Variants in ZNF536 observed in about 807,000 individuals in gnomAD.
ZNF536 encodes zinc finger protein 536.
Under a neutral mutation model 84.5 loss-of-function variants are expected in ZNF536, and 13 were observed. The ratio of observed to expected loss-of-function variants is 0.15; its 90% CI spans 0.10 to 0.24. The LOEUF (loss-of-function observed/expected upper bound fraction) is 0.24, where lower values mean the gene tolerates loss of function less well. Among genes scored for constraint, ZNF536 ranks in the 10% least tolerant of loss-of-function variants. ZNF536 has a pLI of 1.00. For synonymous variants in ZNF536, 811 were observed against 742.5 expected (o/e 1.09, Z -1.50); for missense variants, 1,536 against 1,747.5 (o/e 0.88, Z 2.16).
chr19:30,386,468 T>C (rs371873611), intron 1 of ZNF536, among the ~76,000 whole-genome samples: 1 of 152,158 alleles, frequency 6.6e-6, no homozygotes, highest in East Asian at 1.9e-4. Context: ...AGTCGACCTC[T>C]CTGGGCTCAG....
Position 30,440,700 on chromosome 19 carries a change from G to A in ZNF536, c.-2-2861G>A, listed in dbSNP as rs548811676. Among the ~76,000 whole-genome samples the A allele has an allele frequency of 2.0e-5, 3 of 152,256 alleles. No homozygotes were observed. The East Asian group carries it at 5.8e-4, about 29-fold the overall frequency. On this transcript the variant is annotated intron_variant, in intron 1 of 4. Coordinates refer to ENST00000355537, the MANE Select transcript of ZNF536 (RefSeq NM_014717.3). ...TGGGGTGTCAGCCTCAGACAGGGTG[G>A]GCACAGAGGGCTTTTGTGAGAAAGG...
intron 2 of ZNF536, among the ~76,000 whole-genome samples, chr19:30,342,380 C>T (rs763547069): frequency 6.6e-6 from 1 of 152,166 alleles, no homozygotes; most frequent in Non-Finnish European, 1.5e-5. Context: ...CAACTGCTAT[C>T]TTTAAAAAGA....
chr19:30,464,322 G>T (rs539015025), intron 2 of ZNF536, among the ~76,000 whole-genome samples: 107 of 152,288 alleles, frequency 7.0e-4, no homozygotes, highest in African/African-American at 2.5e-3. Context: ...TCTGCAGCCA[G>T]CTGGGGGTGT....
chr19:30,498,267 AAGGAGATTATGTTCTTTGC>A (rs1795837594), intron 2 of ZNF536, among the ~76,000 whole-genome samples: 1 of 152,202 alleles, frequency 6.6e-6, no homozygotes, highest in South Asian at 2.1e-4. Context: ...CATAAAAAGG[AAGGAGATTATGTTCTTTGC>A]AGGGACATGG....
At chr19:30,670,699 T>C (rs1375000348) in intron 1 of ZNF536, among the ~76,000 whole-genome samples, 1 of 152,204 alleles carries the variant, frequency 6.6e-6, no homozygotes, top group African/African-American at 2.4e-5. Flanking sequence ...GAGGCCTTCC[T>C]TCCCCAGAGA....
chr19:30,641,913 C>T (rs780184701), intron 1 of ZNF536, among the ~76,000 whole-genome samples: 1 of 152,130 alleles, frequency 6.6e-6, no homozygotes, highest in East Asian at 1.9e-4. Context: ...GATGGAAAAG[C>T]GACTCTGATT....
chr19:30,330,474 G>A (rs1272524448), intron 2 of ZNF536, among the ~76,000 whole-genome samples: 1 of 152,162 alleles, frequency 6.6e-6, no homozygotes, highest in East Asian at 1.9e-4. Context: ...GAGGACACTC[G>A]ACTTTGGAGC....
chr19:30,413,752 G>T (rs10422123), intron 1 of ZNF536, among the ~76,000 whole-genome samples: 1,965 of 152,020 alleles, frequency 0.013, 44 homozygotes, highest in African/African-American at 0.045. Flanking sequence ...CACTATGATT[G>T]CTCCTTGAAG....
chr19:30,278,804 C>A (rs2045333691), intron 1 of ZNF536, among the ~76,000 whole-genome samples: 1 of 152,182 alleles, frequency 6.6e-6, no homozygotes, highest in South Asian at 2.1e-4. Flanking sequence ...AGCAGCCTCC[C>A]CCATGGGTCC....
At chr19:30,273,156 C>A (rs2025946850) in intron 1 of ZNF536, among the ~76,000 whole-genome samples, 1 of 152,232 alleles carries the variant, frequency 6.6e-6, no homozygotes, top group Non-Finnish European at 1.5e-5. Flanking sequence ...CCTGCCTCGA[C>A]CTTTTGAAGT....
At chr19:30,594,031 G>A (rs146648485) in intron 1 of ZNF536, among the ~76,000 whole-genome samples, 3 of 152,168 alleles carry the variant, frequency 2.0e-5, no homozygotes, top group Non-Finnish European at 4.4e-5. Flanking sequence ...TCTATGCCAC[G>A]TGGAATGTCT....
chr19:30,567,148 TAAAG>T (rs2046381945), intron 1 of ZNF536, among the ~76,000 whole-genome samples: 1 of 152,142 alleles, frequency 6.6e-6, no homozygotes, highest in African/African-American at 2.4e-5. Context: ...GCGTCAAAAA[TAAAG>T]AAACCAACCA....
intron 2 of ZNF536, among the ~76,000 whole-genome samples, chr19:30,335,474 A>C (rs1405745567): frequency 6.6e-6 from 1 of 151,972 alleles, no homozygotes; most frequent in Admixed American, 6.6e-5. Flanking sequence ...GAGGCCTGGC[A>C]CGCCCACCCC....
intron 1 of ZNF536, among the ~76,000 whole-genome samples, chr19:30,281,720 A>G (rs186371986): frequency 3.3e-5 from 5 of 152,320 alleles, no homozygotes; most frequent in South Asian, 4.1e-4. Flanking sequence ...AATTTCAAGC[A>G]CTGAAAACGC....
At position 30,444,797 on chromosome 19, in the gene ZNF536, C is replaced by A. The variant is rs61744158; in HGVS notation, c.1235C>A (p.Pro412His). 0.048 allele frequency: 76,924 copies of A among 1,613,902 alleles called. 2,142 individuals carry two copies. Among genetic ancestry groups the A allele is most frequent in the Middle Eastern group, 0.086 (521 of 6,062 alleles). The change falls in exon 2 of 5, where the codon CCT (proline) becomes CAT (histidine). Residue 412 changes from proline (P) to histidine (H), a missense_variant. By Grantham distance (77) the Pro-to-His change is moderately conservative. Coordinates refer to ENST00000355537, the MANE Select transcript of ZNF536 (RefSeq NM_014717.3). Reference protein sequence around the residue: ...KNKSPSDPEVPVPMGGMSQEA... With the variant: ...KNKSPSDPEVHVPMGGMSQEA... ...AAGTCCCCCAGCGACCCCGAGGTGCCTGTGCCCATGGGCGGCATGTCCCAG... is the reference window on the plus strand; with the variant it reads ...AAGTCCCCCAGCGACCCCGAGGTGCATGTGCCCATGGGCGGCATGTCCCAG...
intron 2 of ZNF536, among the ~76,000 whole-genome samples, chr19:30,309,074 AC>A (rs1295256040): frequency 6.6e-6 from 1 of 152,196 alleles, no homozygotes; most frequent in Non-Finnish European, 1.5e-5. Flanking sequence ...TCTGGAAAAG[AC>A]AAGAAGTCCA....
intron 1 of ZNF536, among the ~76,000 whole-genome samples, chr19:30,569,309 G>C (rs890646538): frequency 1.4e-4 from 21 of 152,202 alleles, no homozygotes; most frequent in Admixed American, 8.5e-4. Flanking sequence ...GAAAGTCTGG[G>C]CTACCCTGGA....
At chr19:30,540,157 C>T (rs1183885629) in intron 3 of ZNF536, among the ~76,000 whole-genome samples, 2 of 152,082 alleles carry the variant, frequency 1.3e-5, no homozygotes, top group Non-Finnish European at 2.9e-5. Context: ...ACGAGGGGTT[C>T]AGCATTGGGC....
chr19:30,564,676 C>T (rs913040321), intron 1 of ZNF536, among the ~76,000 whole-genome samples: 6 of 152,174 alleles, frequency 3.9e-5, no homozygotes, highest in African/African-American at 1.4e-4. Flanking sequence ...GCTTGCTCCA[C>T]TCCCACCGCC....
Sources: allele counts gnomAD v4.1 joint callset (sites outside exome capture counted in the v4.1 genomes callset), GRCh38; gene constraint gnomAD v4.1.1; transcripts MANE v1.5; gene names NCBI Gene and HGNC (gene_info 2026-07-23, HGNC 2026-07-21).